The following ZFPM2 variants were observed in gnomAD, a reference collection of about 807,000 sequenced individuals.
ZFPM2 encodes zinc finger protein, FOG family member 2.
Under a neutral mutation model 98.6 loss-of-function variants are expected in ZFPM2, and 20 were observed. The observed-to-expected ratio is 0.20, with a 90% CI of 0.14 to 0.29. The LOEUF (loss-of-function observed/expected upper bound fraction) is 0.29, where lower values mean the gene tolerates loss of function less well. Among genes scored for constraint, ZFPM2 ranks in the 10% least tolerant of loss-of-function variants. The pLI, the probability that ZFPM2 is intolerant of heterozygous loss-of-function variation, is 1.00. For missense variants in ZFPM2, 1,310 were observed against 1,388.6 expected, an observed-to-expected ratio of 0.94 and a Z score of 0.90; for synonymous variants, 518 against 502.7, an observed-to-expected ratio of 1.03 and a Z score of -0.41.
chr8:105,338,095 A>G (rs376884536), intron 1 of ZFPM2, among the ~76,000 whole-genome samples: 1 of 151,794 alleles, frequency 6.6e-6, no homozygotes, highest in Non-Finnish European at 1.5e-5. Context: ...CTCATGAGTT[A>G]TGCTTGTATA....
At chr8:105,599,431 G>T (rs1331905698) in intron 4 of ZFPM2, among the ~76,000 whole-genome samples, 1 of 149,926 alleles carries the variant, frequency 6.7e-6, no homozygotes, top group Non-Finnish European at 1.5e-5. Flanking sequence ...GTTCCCTAAG[G>T]GTTGTGAGAG....
At chr8:105,773,284 G>T (rs1813024884) in intron 5 of ZFPM2, among the ~76,000 whole-genome samples, 1 of 152,068 alleles carries the variant, frequency 6.6e-6, no homozygotes, top group African/African-American at 2.4e-5. Context: ...TATATCACAT[G>T]ACAGTGTTTT....
intron 5 of ZFPM2, among the ~76,000 whole-genome samples, chr8:105,646,326 G>T (rs181170699): frequency 0.011 from 1,639 of 152,240 alleles, 4 homozygotes; most frequent in Non-Finnish European, 0.017. Flanking sequence ...AACTGCAAAA[G>T]GGAGGGGTAG....
intron 2 of ZFPM2, among the ~76,000 whole-genome samples, chr8:105,425,941 C>T (rs993665383): frequency 1.3e-5 from 2 of 152,000 alleles, no homozygotes; most frequent in African/African-American, 4.8e-5. Flanking sequence ...TATTTTGTTT[C>T]CTGTTTTCTT....
At chr8:105,752,563 C>T (rs1477104406) in intron 5 of ZFPM2, among the ~76,000 whole-genome samples, 1 of 152,094 alleles carries the variant, frequency 6.6e-6, no homozygotes, top group Non-Finnish European at 1.5e-5. Flanking sequence ...TCTTTGTCAA[C>T]GTAGAACACT....
At position 105,701,582 on chromosome 8, in the gene ZFPM2, T is replaced by C. The variant is rs562392014; in HGVS notation, c.532+67225T>C. Among the ~76,000 whole-genome samples, 12 of 152,332 alleles carry C rather than the reference T, an allele frequency of 7.9e-5. 1 individual carries two copies. The highest frequency in any genetic ancestry group is 2.6e-4 in the African/African-American group (11 of 41,580). On this transcript the variant is annotated intron_variant, in intron 5 of 7. Coordinates refer to ENST00000407775, the MANE Select transcript of ZFPM2 (RefSeq NM_012082.4). ...ATCTGCTAAACAAAAGGTTGTAATA[T>C]GTGCCATGCCATCTTCAGACGTACC...
At position 105,501,278 on chromosome 8, in the gene ZFPM2, G is replaced by C. The variant is rs1411702512; in HGVS notation, c.301+56897G>C. Reference sequence around the variant, plus strand: ...GCTGGCTGCAAACTCTGCCTCCCAGGTTTAAGCGATTCTCCTGCCTCAGCC... The same window carrying C: ...GCTGGCTGCAAACTCTGCCTCCCAGCTTTAAGCGATTCTCCTGCCTCAGCC... On this transcript the variant is annotated intron_variant, in intron 3 of 7. Coordinates refer to ENST00000407775, the MANE Select transcript of ZFPM2 (RefSeq NM_012082.4). 2.0e-5 allele frequency among the ~76,000 whole-genome samples: 3 copies of C among 151,156 alleles called. No homozygotes were observed. The East Asian group carries it at 5.9e-4, about 30-fold the overall frequency.
chr8:105,586,842 A>AATATTTTATATATATATAT (rs1586481221), intron 4 of ZFPM2, among the ~76,000 whole-genome samples: 7 of 137,086 alleles, frequency 5.1e-5, no homozygotes, highest in South Asian at 4.6e-4. Flanking sequence ...TTTATATATA[A>AATATTTTATATATATATAT]ATATTTTATA....
chr8:105,681,268 A>G (rs1167923745), intron 5 of ZFPM2, among the ~76,000 whole-genome samples: 2 of 152,024 alleles, frequency 1.3e-5, no homozygotes, highest in Non-Finnish European at 2.9e-5. Context: ...CCCTCTTGCC[A>G]TCAGTTCCCA....
chr8:105,633,973 A>C (rs558124994), intron 4 of ZFPM2, among the ~76,000 whole-genome samples: 10 of 152,122 alleles, frequency 6.6e-5, no homozygotes, highest in Non-Finnish European at 1.3e-4. Context: ...CAGAGCCACA[A>C]GAGATCTGTC....
intron 4 of ZFPM2, 142 bp from the exon 5 acceptor site, chr8:105,634,104 T>C: frequency 1.6e-6 from 1 of 610,814 alleles, no homozygotes; most frequent in East Asian, 2.8e-5. Context: ...TAAAAAGATA[T>C]CATGAGACAG....
chr8:105,609,158 C>T (rs145735200), intron 4 of ZFPM2, among the ~76,000 whole-genome samples: 51 of 151,912 alleles, frequency 3.4e-4, no homozygotes, highest in African/African-American at 1.2e-3. Flanking sequence ...AGGAGGGGAG[C>T]GAGGTTAATT....
At chr8:105,597,213 TA>T (rs1433052351) in intron 4 of ZFPM2, among the ~76,000 whole-genome samples, 1 of 152,122 alleles carries the variant, frequency 6.6e-6, no homozygotes, top group Non-Finnish European at 1.5e-5. Context: ...ATATCAGTAA[TA>T]AATCTTTGAA....
At chr8:105,517,723 A>ACACACACAC (rs1305344535) in intron 3 of ZFPM2, among the ~76,000 whole-genome samples, 1 of 150,674 alleles carries the variant, frequency 6.6e-6, no homozygotes, top group Admixed American at 6.6e-5. Flanking sequence ...ACACACACAC[A>ACACACACAC]CACACACACA....
chr8:105,763,326 A>G (rs1812778271), intron 5 of ZFPM2, among the ~76,000 whole-genome samples: 1 of 151,838 alleles, frequency 6.6e-6, no homozygotes, highest in Non-Finnish European at 1.5e-5. Flanking sequence ...TCCTTCCAGA[A>G]TAACAGTCTG....
intron 2 of ZFPM2, among the ~76,000 whole-genome samples, chr8:105,428,494 G>A (rs558290058): frequency 3.3e-5 from 5 of 152,266 alleles, no homozygotes; most frequent in African/African-American, 7.2e-5. Flanking sequence ...CATTCAATAA[G>A]CTACAGTTTC....
chr8:105,359,730 A>G (rs1280687232), intron 1 of ZFPM2, among the ~76,000 whole-genome samples: 2 of 152,190 alleles, frequency 1.3e-5, no homozygotes, highest in African/African-American at 4.8e-5. Flanking sequence ...ACCCACTCTC[A>G]ATATTTCAAT....
intron 1 of ZFPM2, among the ~76,000 whole-genome samples, chr8:105,379,471 G>A (rs1380738955): frequency 6.6e-6 from 1 of 152,070 alleles, no homozygotes; most frequent in Non-Finnish European, 1.5e-5. Flanking sequence ...AGTTTACATT[G>A]GTCCGGGCAC....
chr8:105,418,575 A>C, intron 1 of ZFPM2: 1 of 518,342 alleles, frequency 1.9e-6, no homozygotes, highest in South Asian at 1.4e-5. Context: ...TTAATTATGA[A>C]TAGGGTTATG....
Sources: allele counts gnomAD v4.1 joint callset (sites outside exome capture counted in the v4.1 genomes callset), GRCh38; gene constraint gnomAD v4.1.1; transcripts MANE v1.5; gene names NCBI Gene and HGNC (gene_info 2026-07-23, HGNC 2026-07-21).